MYEF2: variants seen among roughly 807,000 people sequenced by gnomAD.
The protein encoded by MYEF2 is myelin expression factor 2, also known as myelin gene expression factor 2.
MYEF2 carries 37 observed loss-of-function variants against 75.2 expected under a neutral mutation model. The observed-to-expected ratio is 0.49, with a 90% confidence interval of 0.38 to 0.65. The LOEUF is 0.65. MYEF2 is among the 30% of genes least tolerant of loss of function. The pLI is 0.00. For missense variants in MYEF2, 634 were observed against 771.4 expected, an observed-to-expected ratio of 0.82 and a Z score of 2.11; for synonymous variants, 195 against 241.6, an observed-to-expected ratio of 0.81 and a Z score of 1.79.
intron 6 of MYEF2, among the ~76,000 whole-genome samples, chr15:48,159,269 C>T (rs752870554): frequency 1.1e-4 from 17 of 151,864 alleles, no homozygotes; most frequent in Non-Finnish European, 2.2e-4. Context: ...AATAACAAAC[C>T]AACTATGGCA....
At chr15:48,159,511 A>T in intron 6 of MYEF2, 102 bp downstream of exon 6, 1 of 982,078 alleles carries the variant, frequency 1.0e-6, no homozygotes, top group Non-Finnish European at 1.5e-6. Context: ...CACTTACTTT[A>T]GTTAAAAATA....
intron 1 of MYEF2, among the ~76,000 whole-genome samples, chr15:48,177,271 G>T (rs1217056908): frequency 6.6e-6 from 1 of 152,044 alleles, no homozygotes; most frequent in Non-Finnish European, 1.5e-5. Context: ...ATTATGGATT[G>T]GGGTCAACTA....
intron 16 of MYEF2, among the ~76,000 whole-genome samples, chr15:48,148,087 T>C (rs1027612401): frequency 1.3e-5 from 2 of 152,016 alleles, no homozygotes; most frequent in African/African-American, 4.8e-5. Flanking sequence ...GATAATATTA[T>C]CTCTGTAGTG....
chr15:48,167,215 G>C, intron 3 of MYEF2, 134 bp downstream of exon 3: 1 of 820,390 alleles, frequency 1.2e-6, no homozygotes, highest in Non-Finnish European at 1.9e-6. Flanking sequence ...TGCTGGTATA[G>C]AGCCTCAAAT....
At chr15:48,151,843 C>T (rs758966936) in intron 12 of MYEF2, 31 bp downstream of exon 12, 42 of 1,603,028 alleles carry the variant, frequency 2.6e-5, no homozygotes, top group Non-Finnish European at 3.4e-5. Flanking sequence ...ACTAAATATG[C>T]ACACACTTCC....
At chr15:48,177,717 T>C (rs937118426) in intron 1 of MYEF2, among the ~76,000 whole-genome samples, 1 of 152,198 alleles carries the variant, frequency 6.6e-6, no homozygotes, top group Non-Finnish European at 1.5e-5. Context: ...CACTAACTAC[T>C]GGTCCTTAAA....
chr15:48,177,921 G>C (rs564264818), intron 1 of MYEF2, among the ~76,000 whole-genome samples, 156 bp downstream of exon 1: 1 of 152,298 alleles, frequency 6.6e-6, no homozygotes, highest in East Asian at 1.9e-4. Context: ...GCCTGGGAGC[G>C]GCCCAGCTGC....
rs772829180 is a variant in MYEF2 at position 48,178,152 on chromosome 15, G to A, written c.86C>T (p.Pro29Leu). The A allele has an allele frequency of 7.7e-6, 12 of 1,564,832 alleles. No homozygotes were observed. In the African/African-American group the frequency reaches 9.7e-5, roughly 13 times the overall value. Reference sequence around the variant, plus strand: ...CTCCGCGGGGTGCGGCTCTCGCCGCGGCTCGCCCGGCGGCTCTGCGGGCTG... The same window carrying A: ...CTCCGCGGGGTGCGGCTCTCGCCGCAGCTCGCCCGGCGGCTCTGCGGGCTG... ...HLQPAEPPGE[P>L]RREPHPAEAE... Residue 29 changes from proline to leucine, a missense_variant, in exon 1 of 17, where the codon CCG becomes CTG. Transcript: ENST00000324324.
At chr15:48,176,713 C>T (rs2040538200) in intron 1 of MYEF2, among the ~76,000 whole-genome samples, 1 of 152,206 alleles carries the variant, frequency 6.6e-6, no homozygotes, top group African/African-American at 2.4e-5. Flanking sequence ...TTAAGTTTAT[C>T]ATTCCACCGG....
In MYEF2 at chr15:48,140,968, A is replaced by T. The variant is rs2039058748; in HGVS notation, c.*1940T>A. The T allele has an allele frequency of 5.2e-6, 3 of 575,808 alleles. No homozygotes were observed. The highest frequency in any genetic ancestry group is 8.9e-6 in the Non-Finnish European group (3 of 336,316). 35.7% of individuals were successfully genotyped at this position (575,808 alleles called of 1,614,324 possible). The stretch of plus-strand genomic sequence containing the variant: ...CCTGATTCAAATATGTTGCTAGCTA[A>T]AAAACTAATAAGCAAGCACATATTG... On this transcript the variant is annotated 3_prime_UTR_variant, in exon 17 of 17. Coordinates refer to ENST00000324324, the MANE Select transcript of MYEF2 (RefSeq NM_016132.5).
In MYEF2 at chr15:48,149,523, A is replaced by G. The variant is rs187542658; in HGVS notation, c.1379-152T>C. ...TAATTTGTTTATATAATTAAATAATATAAAAACATAAAATTATTTTCATAC... is the reference window on the plus strand; with the variant it reads ...TAATTTGTTTATATAATTAAATAATGTAAAAACATAAAATTATTTTCATAC... On this transcript the variant is annotated intron_variant, in intron 14 of 16. Transcript: ENST00000324324. This position sits in a 1 kb window ranked among gnomAD's most constrained non-coding sequence, Gnocchi z 4.0. 1 of 479,258 alleles carries G rather than the reference A, an allele frequency of 2.1e-6. No individual in the cohort carries two copies. The highest frequency in any genetic ancestry group is 3.4e-5 in the East Asian group (1 of 29,772). 29.7% of individuals were successfully genotyped at this position (479,258 alleles called of 1,614,324 possible).
At chr15:48,152,876 TTTA>T (rs1346764539) in intron 10 of MYEF2, 1 of 152,478 alleles carries the variant, frequency 6.6e-6, no homozygotes, top group African/African-American at 2.4e-5. Context: ...TCTGATAGCA[TTTA>T]TTAGTCCATC....
rs140666229 is a variant in MYEF2, at chr15:48,136,867, C to G, written c.*6041G>C. The G allele has an allele frequency of 1.2e-6, 2 of 1,613,788 alleles. No homozygotes were observed. Among genetic ancestry groups the G allele is most frequent in the African/African-American group, 1.3e-5 (1 of 75,016 alleles). On this transcript the variant is annotated 3_prime_UTR_variant, in exon 17 of 17. Transcript: ENST00000324324. ...GGAAGATGAAGGTCAACCATTCATT[C>G]GTCGGCAATCAAGAACTGATAGTGG...
At chr15:48,176,967 C>T (rs1234944093) in intron 1 of MYEF2, among the ~76,000 whole-genome samples, 1 of 152,192 alleles carries the variant, frequency 6.6e-6, no homozygotes, top group South Asian at 2.1e-4. Flanking sequence ...GCTACCCCAT[C>T]TTTTTTGCCA....
Position 48,134,677 on chromosome 15 carries a change from C to G in MYEF2, c.*8231G>C, listed in dbSNP as rs2038852637. 2 of 725,390 alleles carry G rather than the reference C, an allele frequency of 2.8e-6. No individual in the cohort carries two copies. The highest frequency in any genetic ancestry group is 4.5e-6 in the Non-Finnish European group (2 of 442,198). 44.9% of individuals were successfully genotyped at this position (725,390 alleles called of 1,614,324 possible). A position where few individuals can be genotyped will look rare whatever the true frequency, so the allele number is the denominator to read the frequency against. ...AATCAGTAGAAAAACAACATGTATT[C>G]AATTTAATGTTAATCCACAAATAGC... On this transcript the variant is annotated 3_prime_UTR_variant, in exon 17 of 17. Transcript: ENST00000324324.
intron 16 of MYEF2, among the ~76,000 whole-genome samples, chr15:48,147,397 G>A (rs1030719862): frequency 6.6e-6 from 1 of 151,730 alleles, no homozygotes; most frequent in Non-Finnish European, 1.5e-5. Context: ...ATCTTGCTAA[G>A]TTTCATTTCT....
chr15:48,149,187 T>C lies in MYEF2; in HGVS notation c.1563A>G (p.Lys521=), dbSNP rs754681848. The part of the protein sequence containing the change: ...GSGMRERIGS[K]GNQIFVRNLP... Reference sequence around the variant, plus strand: ...CATTTCTGACAAATATCTGGTTGCCTTTGGAGCCTATTCTCTCTCTCATTC... The same window carrying C: ...CATTTCTGACAAATATCTGGTTGCCCTTGGAGCCTATTCTCTCTCTCATTC... The change falls in exon 15 of 17, where the codon AAA becomes AAG. Residue 521 remains lysine, a synonymous_variant. Transcript: ENST00000324324. This position sits in a 1 kb window ranked among gnomAD's most constrained non-coding sequence, Gnocchi z 4.0. The C allele has an allele frequency of 6.2e-7, 1 of 1,613,418 alleles. No homozygotes were observed. The highest frequency in any genetic ancestry group is 2.2e-5 in the East Asian group (1 of 44,878).
intron 5 of MYEF2, 35 bp downstream of exon 5, chr15:48,165,898 T>C: frequency 7.2e-7 from 1 of 1,390,628 alleles, no homozygotes. Context: ...GTCTTTATAG[T>C]CAAATGTTTA....
chr15:48,159,761 C>T lies in MYEF2; in HGVS notation c.569G>A (p.Gly190Glu). ...GACGTGTCCTCCTGGAAATGATCCT[C>T]CTGTTCGCTGCAATGCCCTACGAGC... ...ENARRALQRT[G>E]GSFPGGHVPD... Residue 190 changes from glycine (G) to glutamate (E), a missense_variant, in exon 6 of 17, where the codon GGA (glycine) becomes GAA (glutamate). Coordinates refer to ENST00000324324, the MANE Select transcript of MYEF2 (RefSeq NM_016132.5). 1 of 1,613,520 alleles carries T rather than the reference C, an allele frequency of 6.2e-7. No homozygotes were observed. The highest frequency in any genetic ancestry group is 8.5e-7 in the Non-Finnish European group (1 of 1,179,704).
Sources: allele counts gnomAD v4.1 joint callset (sites outside exome capture counted in the v4.1 genomes callset), GRCh38; gene constraint gnomAD v4.1.1; non-coding constraint Gnocchi (gnomAD v3.1); transcripts MANE v1.5; gene names NCBI Gene and HGNC (gene_info 2026-07-23, HGNC 2026-07-21).